Variants in CADPS2 observed in about 807,000 individuals in gnomAD.
The protein encoded by CADPS2 is calcium-dependent secretion activator 2.
Under a neutral mutation model 172.5 loss-of-function variants are expected in CADPS2, and 93 were observed. That is an observed-to-expected ratio of 0.54 (90% CI 0.46 to 0.64). CADPS2 has a LOEUF of 0.64. Among genes scored for constraint, CADPS2 ranks in the 30% least tolerant of loss-of-function variants. The pLI, the probability that CADPS2 is intolerant of heterozygous loss-of-function variation, is 0.00. For missense variants in CADPS2, 1,420 were observed against 1,565.9 expected (o/e 0.91, Z 1.57); for synonymous variants, 546 against 555.2 (o/e 0.98, Z 0.23).
chr7:122,745,789 A>C (rs2092697514), intron 1 of CADPS2, among the ~76,000 whole-genome samples: 1 of 152,036 alleles, frequency 6.6e-6, no homozygotes, highest in African/African-American at 2.4e-5. Context: ...CTGACCCCAC[A>C]AAAAAGTCGG....
chr7:122,850,144 A>C (rs1029530337), intron 1 of CADPS2: 1 of 1,194,182 alleles, frequency 8.4e-7, no homozygotes, highest in African/African-American at 1.6e-5. Context: ...CAACTGCTGA[A>C]CAGGGCGTAT....
intron 1 of CADPS2, among the ~76,000 whole-genome samples, chr7:122,835,976 G>T (rs1020575752): frequency 2.0e-5 from 3 of 152,052 alleles, no homozygotes; most frequent in African/African-American, 7.2e-5. Flanking sequence ...ACACATAATT[G>T]TCAGATTCAC....
rs192389823 is a variant in CADPS2, at chr7:122,804,866, C to T, written c.340-67798G>A. On this transcript the variant is annotated intron_variant, in intron 1 of 29. Coordinates refer to ENST00000449022, the MANE Select transcript of CADPS2 (RefSeq NM_017954.11). Reference sequence around the variant, plus strand: ...CCTCATTTGTTTGCTATTTCTAATACCATATACTTAAAAATTAAATAGGCT... The same window carrying T: ...CCTCATTTGTTTGCTATTTCTAATATCATATACTTAAAAATTAAATAGGCT... Among the ~76,000 whole-genome samples the T allele has an allele frequency of 2.8e-3, 432 of 152,236 alleles. 2 individuals carry two copies. Among genetic ancestry groups the T allele is most frequent in the African/African-American group, 0.01 (417 of 41,538 alleles).
At chr7:122,543,802 A>T (rs780545074) in intron 8 of CADPS2, among the ~76,000 whole-genome samples, 2 of 152,150 alleles carry the variant, frequency 1.3e-5, no homozygotes, top group Non-Finnish European at 2.9e-5. Flanking sequence ...ATGTGTATCC[A>T]CTATGTTCTG....
chr7:122,446,322 T>C (rs1296779452), intron 15 of CADPS2, among the ~76,000 whole-genome samples: 4 of 152,196 alleles, frequency 2.6e-5, no homozygotes, highest in African/African-American at 9.6e-5. Context: ...CTAGATATTT[T>C]TGTATTCCTT....
chr7:122,480,678 T>C (rs1015417396), intron 12 of CADPS2, among the ~76,000 whole-genome samples, 174 bp downstream of exon 12: 1 of 152,202 alleles, frequency 6.6e-6, no homozygotes, highest in Non-Finnish European at 1.5e-5. Flanking sequence ...TTTCTACTTT[T>C]TTTGTTGCGA....
At chr7:122,444,480 T>A (rs1273492347) in intron 15 of CADPS2, among the ~76,000 whole-genome samples, 1 of 152,186 alleles carries the variant, frequency 6.6e-6, no homozygotes, top group Non-Finnish European at 1.5e-5. Flanking sequence ...TTATGTTCAG[T>A]TTTTGTTTTG....
intron 1 of CADPS2, among the ~76,000 whole-genome samples, chr7:122,774,320 CAAAAG>C (rs921830263): frequency 4.1e-5 from 6 of 146,078 alleles, no homozygotes; most frequent in African/African-American, 7.5e-5. Flanking sequence ...ACTCTGGAAA[CAAAAG>C]AACTGACAAA....
At chr7:122,807,953 T>C (rs1799153188) in intron 1 of CADPS2, among the ~76,000 whole-genome samples, 1 of 152,304 alleles carries the variant, frequency 6.6e-6, no homozygotes, top group Admixed American at 6.5e-5. Flanking sequence ...ACAAATGACG[T>C]AGATATAAAG....
chr7:122,513,178 T>C, intron 9 of CADPS2, 71 bp downstream of exon 9: 1 of 1,009,590 alleles, frequency 9.9e-7, no homozygotes. Flanking sequence ...TTTTGATAGA[T>C]ATAACCCACA....
intron 1 of CADPS2, among the ~76,000 whole-genome samples, chr7:122,876,680 G>A (rs548665529): frequency 2.6e-4 from 40 of 152,112 alleles, no homozygotes; most frequent in African/African-American, 9.2e-4. Context: ...ATATATACAT[G>A]TATATTTTTA....
chr7:122,738,856 A>G (rs920398695), intron 1 of CADPS2, among the ~76,000 whole-genome samples: 27 of 150,810 alleles, frequency 1.8e-4, no homozygotes, highest in Non-Finnish European at 3.1e-4. Flanking sequence ...AGGGGGGGAA[A>G]AAAAAAAAAA....
At chr7:122,602,804 G>C (rs1344730026) in intron 6 of CADPS2, among the ~76,000 whole-genome samples, 4 of 152,048 alleles carry the variant, frequency 2.6e-5, no homozygotes, top group African/African-American at 4.8e-5. Flanking sequence ...TGAAAGAATA[G>C]CAATAATATA....
intron 2 of CADPS2, chr7:122,681,537 G>A: frequency 2.1e-6 from 3 of 1,461,764 alleles, no homozygotes; most frequent in Non-Finnish European, 2.8e-6. Context: ...ACATTACTGT[G>A]TGAGTTGTGC....
intron 8 of CADPS2, among the ~76,000 whole-genome samples, chr7:122,531,793 G>A (rs557908657): frequency 6.6e-6 from 1 of 152,220 alleles, no homozygotes; most frequent in Admixed American, 6.5e-5. Context: ...AGCACTTTGG[G>A]AGGCTGAGGT....
At chr7:122,706,803 C>T (rs983903333) in intron 2 of CADPS2, among the ~76,000 whole-genome samples, 3 of 145,564 alleles carry the variant, frequency 2.1e-5, no homozygotes, top group African/African-American at 2.6e-5. Flanking sequence ...TATATATACA[C>T]ACACACACAT....
intron 3 of CADPS2, among the ~76,000 whole-genome samples, chr7:122,644,996 C>T (rs1342586890): frequency 1.3e-5 from 2 of 151,742 alleles, no homozygotes; most frequent in Non-Finnish European, 2.9e-5. Context: ...ATCACATTTT[C>T]CTTTGAAAAC....
At chr7:122,734,389 A>AG (rs2091978933) in intron 2 of CADPS2, among the ~76,000 whole-genome samples, 8 of 47,826 alleles carry the variant, frequency 1.7e-4, no homozygotes, top group Admixed American at 5.8e-4. Context: ...AAAAAAAAGA[A>AG]AAAAAAAAAA....
chr7:122,812,421 A>AAGAG (rs1215740976), intron 1 of CADPS2, among the ~76,000 whole-genome samples: 2 of 145,594 alleles, frequency 1.4e-5, no homozygotes, highest in East Asian at 3.9e-4. Context: ...AAAAAAAAAA[A>AAGAG]AGAGAGAGAG....
Sources: allele counts gnomAD v4.1 joint callset (sites outside exome capture counted in the v4.1 genomes callset), GRCh38; gene constraint gnomAD v4.1.1; transcripts MANE v1.5; gene names NCBI Gene and HGNC (gene_info 2026-07-23, HGNC 2026-07-21).